EPHB1: variants seen among roughly 807,000 people sequenced by gnomAD.
The protein encoded by EPHB1 is ephrin type-B receptor 1.
In EPHB1, 30 loss-of-function variants were observed where a neutral mutation model predicts 94.4. The observed-to-expected ratio is 0.32, with a 90% CI of 0.24 to 0.43. The LOEUF (loss-of-function observed/expected upper bound fraction) is 0.43, where lower values mean the gene tolerates loss of function less well. EPHB1 is among the 20% of genes least tolerant of loss of function. The pLI is 1.00. For synonymous variants in EPHB1, 522 were observed against 489.1 expected, an observed-to-expected ratio of 1.07 and a Z score of -0.89; for missense variants, 1,055 against 1,308.3, an observed-to-expected ratio of 0.81 and a Z score of 2.99.
rs73220270 is a variant in EPHB1, at chr3:135,205,102, G to A, written c.2346+3413G>A. ...AGCATAATGACCTTCAATTGCATCC[G>A]TGTTGCTGCAAATGACAGGATCTCA... On this transcript the variant is annotated intron_variant, in intron 12 of 15. Coordinates refer to ENST00000398015, the MANE Select transcript of EPHB1 (RefSeq NM_004441.5). Among the ~76,000 whole-genome samples, 505 of 151,918 alleles carry A rather than the reference G, an allele frequency of 3.3e-3. 3 individuals carry two copies. Among genetic ancestry groups the A allele is most frequent in the Middle Eastern group, 6.8e-3 (2 of 294 alleles).
chr3:135,194,795 T>A (rs1393124069), intron 11 of EPHB1, among the ~76,000 whole-genome samples: 1 of 152,130 alleles, frequency 6.6e-6, no homozygotes, highest in Admixed American at 6.5e-5. Flanking sequence ...TCCTTGAGGG[T>A]ATGGGGTTAT....
chr3:134,960,295 C>T lies in EPHB1; in HGVS notation c.805+8243C>T, dbSNP rs1933462926. Among the ~76,000 whole-genome samples the T allele has an allele frequency of 3.9e-5, 6 of 152,088 alleles. 1 individual carries two copies. The South Asian group carries it at 1.2e-3, about 32-fold the overall frequency. ...TGCACCTCAAACACTGGCAAACCAC[C>T]CAGGAACAAGCCTTATTTTGCCAAC... is the stretch of plus-strand genomic sequence containing the variant. On this transcript the variant is annotated intron_variant, in intron 3 of 15. Coordinates refer to ENST00000398015, the MANE Select transcript of EPHB1 (RefSeq NM_004441.5).
chr3:134,989,356 T>C (rs572121404), intron 3 of EPHB1, among the ~76,000 whole-genome samples: 15 of 152,372 alleles, frequency 9.8e-5, no homozygotes, highest in African/African-American at 3.4e-4. Context: ...AAATCATTAT[T>C]ACTATAACTT....
chr3:134,824,122 GC>G (rs1439242642), intron 1 of EPHB1, among the ~76,000 whole-genome samples: 1 of 130,074 alleles, frequency 7.7e-6, no homozygotes, highest in Admixed American at 7.9e-5. Context: ...AAAGGATAAT[GC>G]CCTTTTTTTT....
chr3:134,983,084 C>A (rs1419256409), intron 3 of EPHB1, among the ~76,000 whole-genome samples: 1 of 152,174 alleles, frequency 6.6e-6, no homozygotes, highest in Non-Finnish European at 1.5e-5. Context: ...TTGGAGTAAC[C>A]TAGATTCATG....
intron 1 of EPHB1, among the ~76,000 whole-genome samples, chr3:134,860,825 T>C (rs1380252178): frequency 6.7e-6 from 1 of 149,640 alleles, no homozygotes; most frequent in African/African-American, 2.4e-5. Context: ...AAAAGATTTC[T>C]TGACGCTGTC....
At chr3:135,060,887 ATTCT>A (rs748647214) in intron 3 of EPHB1, among the ~76,000 whole-genome samples, 2 of 150,312 alleles carry the variant, frequency 1.3e-5, no homozygotes, top group African/African-American at 2.5e-5. Context: ...GGTCTTATTC[ATTCT>A]TTCTATTTTT....
chr3:135,074,137 A>T (rs1011626821), intron 3 of EPHB1, among the ~76,000 whole-genome samples: 1 of 152,216 alleles, frequency 6.6e-6, no homozygotes, highest in Non-Finnish European at 1.5e-5. Flanking sequence ...TTTTATAAGA[A>T]GAAAATTGCC....
intron 3 of EPHB1, among the ~76,000 whole-genome samples, chr3:135,103,153 G>GA (rs568132714): frequency 1.1e-4 from 16 of 150,750 alleles, no homozygotes; most frequent in Non-Finnish European, 8.9e-5. Context: ...AAAGAAAAAA[G>GA]AAAAAAAAAT....
chr3:135,092,931 G>A (rs1001468662), intron 3 of EPHB1, among the ~76,000 whole-genome samples: 4 of 152,170 alleles, frequency 2.6e-5, no homozygotes, highest in Non-Finnish European at 2.9e-5. Flanking sequence ...CTGGCCTGGA[G>A]TCCAACATCT....
intron 3 of EPHB1, among the ~76,000 whole-genome samples, chr3:135,054,557 C>T (rs995218842): frequency 5.3e-5 from 8 of 152,146 alleles, no homozygotes; most frequent in Non-Finnish European, 1.2e-4. Context: ...GCACAGAGCA[C>T]AGCCAGCTAA....
intron 1 of EPHB1, among the ~76,000 whole-genome samples, chr3:134,903,520 T>C (rs550059624): frequency 9.9e-5 from 15 of 152,160 alleles, no homozygotes; most frequent in Non-Finnish European, 2.1e-4. Context: ...TTAAAATGAA[T>C]TTGCTTGGGA....
rs549833372 is a variant in EPHB1 at position 135,031,113 on chromosome 3, G to A, written c.806-75335G>A. Among the ~76,000 whole-genome samples the A allele has an allele frequency of 3.3e-4, 50 of 152,158 alleles. No individual in the cohort carries two copies. In the East Asian group the frequency reaches 4.8e-3, roughly 15 times the overall value. ...ACGGTGCGCGCACCCACTGACCTGC[G>A]CCCACTGTCTGGCACTCCCTAGTGA... On this transcript the variant is annotated intron_variant, in intron 3 of 15. Transcript: ENST00000398015.
At chr3:135,234,970 C>A (rs1427406006) in intron 12 of EPHB1, among the ~76,000 whole-genome samples, 5 of 152,156 alleles carry the variant, frequency 3.3e-5, no homozygotes, top group Non-Finnish European at 7.3e-5. Flanking sequence ...ACTTCCTCAC[C>A]CAAGGAAGAC....
At chr3:135,000,594 A>G (rs1233455122) in intron 3 of EPHB1, among the ~76,000 whole-genome samples, 1 of 152,200 alleles carries the variant, frequency 6.6e-6, no homozygotes, top group Non-Finnish European at 1.5e-5. Flanking sequence ...CTAGAACTCA[A>G]TTCCTAGTAC....
chr3:134,989,811 G>T lies in EPHB1; in HGVS notation c.805+37759G>T, dbSNP rs1934732395. On this transcript the variant is annotated intron_variant, in intron 3 of 15. Transcript: ENST00000398015. ...TCCTGGAAGATTATTTTAAGATTAAGAAATAATTTTATAGAAACAATGAGA... is the reference window on the plus strand; with the variant it reads ...TCCTGGAAGATTATTTTAAGATTAATAAATAATTTTATAGAAACAATGAGA... Among the ~76,000 whole-genome samples the T allele has an allele frequency of 3.9e-5, 6 of 152,080 alleles. No individual in the cohort carries two copies. In the South Asian group the frequency reaches 1.2e-3, roughly 32 times the overall value.
At chr3:135,062,090 G>A (rs1465685756) in intron 3 of EPHB1, among the ~76,000 whole-genome samples, 4 of 152,132 alleles carry the variant, frequency 2.6e-5, no homozygotes, top group East Asian at 1.9e-4. Context: ...TTGTCCACTC[G>A]TTGATGGGCA....
intron 3 of EPHB1, among the ~76,000 whole-genome samples, chr3:135,073,453 A>G (rs981359002): frequency 6.6e-6 from 1 of 152,214 alleles, no homozygotes; most frequent in Non-Finnish European, 1.5e-5. Context: ...ACCAAGACCA[A>G]TCTGGCTTTA....
rs573801752 is a variant in EPHB1 at position 135,017,407 on chromosome 3, C to T, written c.805+65355C>T. Among the ~76,000 whole-genome samples the T allele has an allele frequency of 7.2e-5, 11 of 152,200 alleles. No homozygotes were observed. The South Asian group carries it at 2.1e-3, about 29-fold the overall frequency. ...AGAACAAAGGATTGCAAATAGTGTG[C>T]GTGTGTGAGTGAGAGAGAGAATAAA... On this transcript the variant is annotated intron_variant, in intron 3 of 15. Transcript: ENST00000398015.
Sources: allele counts gnomAD v4.1 joint callset (sites outside exome capture counted in the v4.1 genomes callset), GRCh38; gene constraint gnomAD v4.1.1; transcripts MANE v1.5; gene names NCBI Gene and HGNC (gene_info 2026-07-23, HGNC 2026-07-21).